The following APOO variants were observed in gnomAD, a reference collection of about 807,000 sequenced individuals.
The protein encoded by APOO is apolipoprotein O, also known as MICOS complex subunit MIC26.
In APOO, 11 loss-of-function variants were observed where a neutral mutation model predicts 23.1. That is an observed-to-expected ratio of 0.48 (90% CI 0.30 to 0.79). APOO has a LOEUF of 0.79. Among genes scored for constraint, APOO ranks in the 30% least tolerant of loss-of-function variants. The pLI, the probability that APOO is intolerant of heterozygous loss-of-function variation, is 0.07. For missense variants in APOO, 160 were observed against 142.7 expected (o/e 1.12, Z -0.62); for synonymous variants, 59 against 54.8 (o/e 1.08, Z -0.34).
chrX:23,900,608 G>A (rs1048407438), intron 1 of APOO, among the ~76,000 whole-genome samples: 7 of 106,442 alleles, frequency 6.6e-5, no homozygotes, highest in African/African-American at 2.4e-4. Context: ...CCAGGAGGCG[G>A]AGGGTGCGGA....
At chrX:23,857,127 C>T (rs745623007) in intron 6 of APOO, among the ~76,000 whole-genome samples, 2 of 110,116 alleles carry the variant, frequency 1.8e-5, no homozygotes, top group Non-Finnish European at 3.8e-5. Context: ...AAAAAACTAC[C>T]CATCAGGTAC....
At chrX:23,901,496 T>A (rs1188336915) in intron 1 of APOO, among the ~76,000 whole-genome samples, 1 of 111,875 alleles carries the variant, frequency 8.9e-6, no homozygotes, top group Non-Finnish European at 1.9e-5. Flanking sequence ...CCCACCTCAA[T>A]GAATAGTTCC....
At chrX:23,884,712 T>C (rs762725575) in intron 1 of APOO, among the ~76,000 whole-genome samples, 40 of 111,675 alleles carry the variant, frequency 3.6e-4, no homozygotes, top group Non-Finnish European at 7.2e-4. Flanking sequence ...AAGAGATCTG[T>C]TGTACAACAT....
At chrX:23,843,422 A>C (rs972467714) in intron 7 of APOO, among the ~76,000 whole-genome samples, 5 of 109,581 alleles carry the variant, frequency 4.6e-5, no homozygotes, top group African/African-American at 1.7e-4. Context: ...TTCTGACTTC[A>C]AAAAACAGTT....
At chrX:23,885,486 C>A (rs763436431) in intron 1 of APOO, among the ~76,000 whole-genome samples, 1 of 107,879 alleles carries the variant, frequency 9.3e-6, no homozygotes, top group Non-Finnish European at 1.9e-5. Flanking sequence ...GTCTCGAACT[C>A]CTGAGCTCAA....
At chrX:23,871,623 C>G (rs918858952) in intron 4 of APOO, among the ~76,000 whole-genome samples, 3 of 111,282 alleles carry the variant, frequency 2.7e-5, no homozygotes, top group Non-Finnish European at 3.8e-5. Context: ...TTCAGAAGTC[C>G]TTCCCTGACT....
At chrX:23,870,339 G>A (rs1925551352) in intron 4 of APOO, among the ~76,000 whole-genome samples, 1 of 111,277 alleles carries the variant, frequency 9.0e-6, no homozygotes, top group Non-Finnish European at 1.9e-5. Context: ...ACCATCACTT[G>A]GTACCTAATC....
chrX:23,881,060 CTTTA>C (rs1569239801), intron 1 of APOO, 108 bp from the exon 2 acceptor site: 1 of 372,890 alleles, frequency 2.7e-6, no homozygotes, highest in East Asian at 4.7e-5. Context: ...GCTTACTGTG[CTTTA>C]TTTTATTTTT....
intron 7 of APOO, among the ~76,000 whole-genome samples, chrX:23,847,414 C>G (rs1382212703): frequency 9.1e-6 from 1 of 110,339 alleles, no homozygotes; most frequent in Non-Finnish European, 1.9e-5. Flanking sequence ...ATCACGAGGT[C>G]AGGAGATCGA....
chrX:23,888,461 A>G (rs1489814151), intron 1 of APOO, among the ~76,000 whole-genome samples: 2 of 112,226 alleles, frequency 1.8e-5, no homozygotes, highest in African/African-American at 6.5e-5. Context: ...GATAAAACAC[A>G]TAAGCAGACA....
intron 5 of APOO, among the ~76,000 whole-genome samples, chrX:23,865,894 C>T (rs1925315891): frequency 9.0e-6 from 1 of 111,291 alleles, no homozygotes; most frequent in South Asian, 3.7e-4. Context: ...TTAATACTAC[C>T]AAGCTCTCCC....
chrX:23,904,175 T>G (rs779313288), intron 1 of APOO, among the ~76,000 whole-genome samples: 41 of 111,759 alleles, frequency 3.7e-4, no homozygotes, highest in Non-Finnish European at 7.0e-4. Context: ...CCAGTCTCTA[T>G]TCTCCCTCTT....
intron 1 of APOO, among the ~76,000 whole-genome samples, chrX:23,894,930 A>T (rs1182530052): frequency 9.0e-6 from 1 of 111,060 alleles, no homozygotes; most frequent in Non-Finnish European, 1.9e-5. Context: ...AGATCACTTG[A>T]GGTCAGGGGT....
intron 7 of APOO, among the ~76,000 whole-genome samples, chrX:23,855,040 CT>C (rs768905855): frequency 1.6e-3 from 151 of 92,005 alleles, no homozygotes; most frequent in Admixed American, 2.3e-3. Context: ...TTCTTTTTTT[CT>C]TTTTTTTTTT....
At chrX:23,860,629 C>G (rs1221280848) in intron 5 of APOO, among the ~76,000 whole-genome samples, 2 of 109,787 alleles carry the variant, frequency 1.8e-5, no homozygotes, top group African/African-American at 6.6e-5. Flanking sequence ...CTTCCTGCCT[C>G]AGCCCCTCAA....
chrX:23,900,908 G>C (rs918406414), intron 1 of APOO, among the ~76,000 whole-genome samples: 1 of 111,280 alleles, frequency 9.0e-6, no homozygotes, highest in Non-Finnish European at 1.9e-5. Context: ...AATTCCTCAA[G>C]AAGAATTCCC....
intron 7 of APOO, among the ~76,000 whole-genome samples, chrX:23,848,577 T>G (rs1224244335): frequency 8.9e-6 from 1 of 112,204 alleles, no homozygotes; most frequent in Non-Finnish European, 1.9e-5. Context: ...GTTTTTCCTA[T>G]ATAAACTATA....
intron 4 of APOO, among the ~76,000 whole-genome samples, chrX:23,869,917 A>G (rs1426116783): frequency 1.9e-5 from 2 of 106,653 alleles, no homozygotes; most frequent in Non-Finnish European, 3.9e-5. Flanking sequence ...GCGCCACTGC[A>G]CTCCAGCATG....
chrX:23,885,443 C>T (rs763839451), intron 1 of APOO, among the ~76,000 whole-genome samples: 1 of 106,050 alleles, frequency 9.4e-6, no homozygotes, highest in African/African-American at 3.4e-5. Context: ...ATATATATAG[C>T]AGAGACAGGG....
Sources: gnomAD v4.1 joint callset for allele counts (sites outside exome capture counted in the v4.1 genomes callset) on GRCh38, gnomAD v4.1.1 for gene constraint, MANE v1.5 for transcripts, NCBI Gene and HGNC (gene_info 2026-07-23, HGNC 2026-07-21) for gene names.